Variants in ITGB3 observed in about 807,000 individuals in gnomAD.
ITGB3 encodes integrin beta-3.
In ITGB3, 48 loss-of-function variants were observed where a neutral mutation model predicts 85.8. The observed-to-expected ratio is 0.56, with a 90% CI of 0.44 to 0.71. ITGB3 has a LOEUF of 0.71. ITGB3 is among the 30% of genes least tolerant of loss of function. ITGB3 has a pLI of 0.00. For synonymous variants in ITGB3, 363 were observed against 395.6 expected (o/e 0.92, Z 0.98); for missense variants, 861 against 1,019.1 (o/e 0.84, Z 2.11).
At chr17:47,291,362 A>C (rs2065124916) in intron 9 of ITGB3, 2 of 590,262 alleles carry the variant, frequency 3.4e-6, no homozygotes, top group Non-Finnish European at 6.0e-6. Flanking sequence ...TTGTGTATGC[A>C]CAGTTGATTG....
rs746342703 is a variant in ITGB3 at position 47,284,657 on chromosome 17, T to C, written c.576T>C (p.Tyr192=). The C allele has an allele frequency of 3.1e-6, 5 of 1,613,984 alleles. No homozygotes were observed. The highest frequency in any genetic ancestry group is 1.7e-5 in the Admixed American group (1 of 60,000). Residue 192 remains tyrosine, a synonymous_variant, in exon 4 of 15, where the codon TAT becomes TAC. Transcript: ENST00000559488. ...ACAAGCCTGTGTCACCATACATGTA[T>C]ATCTCCCCACCAGAGGCCCTCGAAA... The part of the protein sequence containing the change: ...FVDKPVSPYM[Y]ISPPEALENP...
chr17:47,254,370 A>C (rs1372725264), intron 1 of ITGB3, among the ~76,000 whole-genome samples: 1 of 152,094 alleles, frequency 6.6e-6, no homozygotes, highest in Non-Finnish European at 1.5e-5. Flanking sequence ...ATGCCGCTGT[A>C]GCTTCCTGGG....
chr17:47,278,549 C>G (rs541607029), intron 2 of ITGB3, among the ~76,000 whole-genome samples: 4 of 151,584 alleles, frequency 2.6e-5, no homozygotes, highest in African/African-American at 4.9e-5. Flanking sequence ...CATTGCACTA[C>G]TCTAGCCTGG....
chr17:47,253,999 A>G, intron 1 of ITGB3, 59 bp downstream of exon 1: 1 of 1,143,100 alleles, frequency 8.7e-7, no homozygotes, highest in Non-Finnish European at 1.2e-6. Context: ...GCCCCGGTCA[A>G]GTTGCGGACT....
chr17:47,278,354 G>A (rs11649785), intron 2 of ITGB3, among the ~76,000 whole-genome samples: 25,897 of 152,222 alleles, frequency 0.17, 2,372 homozygotes, highest in Admixed American at 0.2. Flanking sequence ...GCCAAAGTGG[G>A]CAGATCACTT....
At position 47,313,133 on chromosome 17, in the gene ITGB3, C is replaced by A. The variant is rs2065222331; in HGVS notation, c.*2929C>A. Among the ~76,000 whole-genome samples, 1 of 151,806 alleles carries A rather than the reference C, an allele frequency of 6.6e-6. No individual in the cohort carries two copies. Among genetic ancestry groups the A allele is most frequent in the African/African-American group, 2.4e-5 (1 of 41,292 alleles). On this transcript the variant is annotated 3_prime_UTR_variant, in exon 15 of 15. Transcript: ENST00000559488. ...GGATTACAGGCACCCGCCACCACAC[C>A]CGGCTAATTTTTGTATTTTTAGTAG...
At chr17:47,279,333 TA>T (rs1268281697) in intron 2 of ITGB3, among the ~76,000 whole-genome samples, 2 of 152,190 alleles carry the variant, frequency 1.3e-5, no homozygotes, top group African/African-American at 4.8e-5. Context: ...TCTTCCTGCA[TA>T]ACCTGGAGAC....
intron 1 of ITGB3, 85 bp downstream of exon 1, chr17:47,254,025 C>T: frequency 1.1e-6 from 1 of 902,722 alleles, no homozygotes; most frequent in Non-Finnish European, 1.5e-6. Flanking sequence ...CCGGCAAACG[C>T]GGAGGGCTGG....
intron 2 of ITGB3, among the ~76,000 whole-genome samples, chr17:47,281,082 A>T (rs955347635): frequency 3.9e-5 from 6 of 152,162 alleles, no homozygotes; most frequent in Non-Finnish European, 8.8e-5. Flanking sequence ...TCCCTTGTAA[A>T]ATTATAATAG....
intron 10 of ITGB3, among the ~76,000 whole-genome samples, chr17:47,297,499 T>C (rs2065150116): frequency 6.6e-6 from 1 of 151,948 alleles, no homozygotes; most frequent in African/African-American, 2.4e-5. Flanking sequence ...CTACTAAAAA[T>C]ACAAACATTA....
At chr17:47,301,286 T>C (rs755006636) in intron 12 of ITGB3, among the ~76,000 whole-genome samples, 1 of 152,220 alleles carries the variant, frequency 6.6e-6, no homozygotes, top group Admixed American at 6.5e-5. Context: ...ACTCTAGTAC[T>C]AGAGAGATGG....
chr17:47,294,718 T>C (rs932226910), intron 10 of ITGB3, among the ~76,000 whole-genome samples: 1 of 152,194 alleles, frequency 6.6e-6, no homozygotes, highest in African/African-American at 2.4e-5. Flanking sequence ...TGTGCCATCA[T>C]TTGGTCCATA....
At chr17:47,292,817 T>C (rs2065132535) in intron 10 of ITGB3, among the ~76,000 whole-genome samples, 1 of 152,230 alleles carries the variant, frequency 6.6e-6, no homozygotes, top group African/African-American at 2.4e-5. Context: ...GTAGTAAGGT[T>C]AGTAATAATT....
intron 1 of ITGB3, among the ~76,000 whole-genome samples, chr17:47,255,327 A>T (rs1352642079): frequency 6.6e-6 from 1 of 151,938 alleles, no homozygotes; most frequent in Non-Finnish European, 1.5e-5. Flanking sequence ...CACTTCAAAG[A>T]TAAACTATTC....
chr17:47,272,663 A>ATCTTTCTT (rs141272164), intron 1 of ITGB3, among the ~76,000 whole-genome samples: 48,934 of 147,918 alleles, frequency 0.33, 8,246 homozygotes, highest in East Asian at 0.51. Context: ...ATTTTATGTA[A>ATCTTTCTT]TCTTTCTTTC....
In ITGB3 at chr17:47,310,356, C is replaced by CTGTG. The variant is rs377072500; in HGVS notation, c.*160_*163dup. ...AATGTCAGTATGTGGAAGTGTGGGT[C>CTGTG]TGTGTGTGTGTATGTGGGGGTCTGT... On this transcript the variant is annotated 3_prime_UTR_variant, in exon 15 of 15. Transcript: ENST00000559488. The CTGTG allele has an allele frequency of 2.6e-5, 19 of 731,544 alleles. No individual in the cohort carries two copies. Among genetic ancestry groups the CTGTG allele is most frequent in the Non-Finnish European group, 4.6e-5 (19 of 409,038 alleles). The allele number at this position is 731,544 out of a possible 1,614,324, so 45.3% of individuals were successfully genotyped here. A position where few individuals can be genotyped will look rare whatever the true frequency, so the allele number is the denominator to read the frequency against.
chr17:47,293,932 T>C (rs2065136854), intron 10 of ITGB3, among the ~76,000 whole-genome samples: 1 of 152,248 alleles, frequency 6.6e-6, no homozygotes. Context: ...TCAGTTGAGC[T>C]AATCCATGCA....
At chr17:47,278,534 C>T (rs151014504) in intron 2 of ITGB3, among the ~76,000 whole-genome samples, 2,954 of 151,688 alleles carry the variant, frequency 0.019, 100 homozygotes, top group African/African-American at 0.066. Flanking sequence ...GAGCCAAGAT[C>T]GTGCCATTGC....
chr17:47,291,956 T>C (rs1045080729), intron 9 of ITGB3, among the ~76,000 whole-genome samples, 183 bp from the exon 10 acceptor site: 1 of 152,226 alleles, frequency 6.6e-6, no homozygotes, highest in Non-Finnish European at 1.5e-5. Context: ...ACTATTCCCG[T>C]GCTTGTGTTT....
Sources: allele counts gnomAD v4.1 joint callset (sites outside exome capture counted in the v4.1 genomes callset), GRCh38; gene constraint gnomAD v4.1.1; transcripts MANE v1.5; gene names NCBI Gene and HGNC (gene_info 2026-07-23, HGNC 2026-07-21).